The following IL3RA variants were observed in gnomAD, a reference collection of about 807,000 sequenced individuals.
IL3RA encodes interleukin-3 receptor subunit alpha.
In IL3RA, 73 loss-of-function variants were observed where a neutral mutation model predicts 52.3. The ratio of observed to expected loss-of-function variants is 1.40; its 90% CI spans 1.16 to 1.70. IL3RA has a LOEUF of 1.70. Ranked by LOEUF, IL3RA falls within the 40% of genes most tolerant of loss-of-function variation. The pLI is 0.00. For synonymous variants in IL3RA, 260 were observed against 194.0 expected (o/e 1.34, Z -2.83); for missense variants, 664 against 504.4 (o/e 1.32, Z -3.03).
intron 9 of IL3RA, among the ~76,000 whole-genome samples, chrX:1,367,740 G>A (rs1233144591): frequency 2.3e-5 from 3 of 133,086 alleles, no homozygotes; most frequent in Admixed American, 1.5e-4. Context: ...GGTGAGCGGG[G>A]TGCGCGGGGT....
chrX:1,379,118 C>T (rs2088999582), intron 10 of IL3RA, among the ~76,000 whole-genome samples: 7 of 151,980 alleles, frequency 4.6e-5, no homozygotes, highest in Admixed American at 2.0e-4. Flanking sequence ...GCTGGGATTA[C>T]AGGCGTAAGC....
intron 9 of IL3RA, among the ~76,000 whole-genome samples, chrX:1,377,781 A>G (rs1451610563): frequency 6.8e-6 from 1 of 146,314 alleles, no homozygotes; most frequent in Non-Finnish European, 1.5e-5. Context: ...TCCTCTCGGG[A>G]GGCTAAGAGA....
intron 9 of IL3RA, 45 bp from the exon 10 acceptor site, chrX:1,378,614 C>G: frequency 1.3e-6 from 2 of 1,541,058 alleles, no homozygotes; most frequent in East Asian, 2.3e-5. Context: ...CCTGGTCCCC[C>G]CAGGACGGCC....
intron 10 of IL3RA, 76 bp downstream of exon 10, chrX:1,378,840 A>G: frequency 7.7e-7 from 1 of 1,293,134 alleles, no homozygotes; most frequent in Non-Finnish European, 1.1e-6. Context: ...AACCATCCTG[A>G]GAATTATCAT....
At chrX:1,361,062 CCTCT>C (rs748995726) in intron 8 of IL3RA, among the ~76,000 whole-genome samples, 1 of 71,640 alleles carries the variant, frequency 1.4e-5, no homozygotes, top group East Asian at 3.5e-4. Flanking sequence ...TCTCCCTTCC[CCTCT>C]CTGTCTCTCT....
chrX:1,364,663 A>T (rs2087767100), intron 8 of IL3RA, among the ~76,000 whole-genome samples: 1 of 151,302 alleles, frequency 6.6e-6, no homozygotes, highest in African/African-American at 2.4e-5. Flanking sequence ...TTTTTGGTAA[A>T]GATGGGGTCT....
At chrX:1,338,229 C>G (rs1473050806) in intron 1 of IL3RA, among the ~76,000 whole-genome samples, 1 of 148,458 alleles carries the variant, frequency 6.7e-6, no homozygotes, top group Non-Finnish European at 1.5e-5. Flanking sequence ...GAGGTGGAGA[C>G]AGCCCTCATA....
chrX:1,358,198 C>T (rs1289478496), intron 7 of IL3RA, among the ~76,000 whole-genome samples: 8 of 152,084 alleles, frequency 5.3e-5, no homozygotes, highest in African/African-American at 1.9e-4. Context: ...CAGGCAGAGT[C>T]GTAGCTAGTC....
Position 1,352,083 on chromosome X carries a change from C to T in IL3RA, c.299-17C>T. 1 of 1,613,038 alleles carries T rather than the reference C, an allele frequency of 6.2e-7. No homozygotes were observed. Among genetic ancestry groups the T allele is most frequent in the Non-Finnish European group, 8.5e-7 (1 of 1,179,492 alleles). ...CCCGGTCCCGATTCGAGTTCTCTTTCATGTTTGTGAACCCAGGTGGGAAGC... is the reference window on the plus strand; with the variant it reads ...CCCGGTCCCGATTCGAGTTCTCTTTTATGTTTGTGAACCCAGGTGGGAAGC... On this transcript the variant is annotated splice_polypyrimidine_tract_variant and intron_variant, in intron 4 of 11. Transcript: ENST00000331035.
chrX:1,345,197 A>G, intron 2 of IL3RA, 119 bp from the exon 3 acceptor site: 1 of 606,572 alleles, frequency 1.6e-6, no homozygotes. Context: ...AAATAAAAGA[A>G]CTCCACCTCC....
Position 1,348,496 on chromosome X carries a change from C to A in IL3RA, c.249C>A (p.Val83=). ...ISLCEVTNYT[V]RVANPPFSTW... is the part of the protein sequence containing the mutation. Reference sequence around the variant, plus strand: ...TATGTGAAGTGACCAACTACACCGTCCGAGTGGCCAACCCACCATTCTCCA... The same window carrying A: ...TATGTGAAGTGACCAACTACACCGTACGAGTGGCCAACCCACCATTCTCCA... The change falls in exon 4 of 12, where the codon GTC becomes GTA. Residue 83 remains valine (V), a synonymous_variant. Coordinates refer to ENST00000331035, the MANE Select transcript of IL3RA (RefSeq NM_002183.4). 1 of 1,613,926 alleles carries A rather than the reference C, an allele frequency of 6.2e-7. No individual in the cohort carries two copies. The highest frequency in any genetic ancestry group is 8.5e-7 in the Non-Finnish European group (1 of 1,179,866).
intron 2 of IL3RA, among the ~76,000 whole-genome samples, chrX:1,343,634 T>C (rs2085582219): frequency 8.5e-6 from 1 of 118,036 alleles, no homozygotes; most frequent in Non-Finnish European, 1.7e-5. Flanking sequence ...GCCATTGCAC[T>C]CCAACCTGGG....
chrX:1,378,874 GCT>G, intron 10 of IL3RA, 110 bp downstream of exon 10: 1 of 1,042,538 alleles, frequency 9.6e-7, no homozygotes, highest in Non-Finnish European at 1.4e-6. Flanking sequence ...ATGGAGTCTC[GCT>G]CTGTCTCCCA....
chrX:1,337,755 C>T (rs1373521674), intron 1 of IL3RA, among the ~76,000 whole-genome samples: 3 of 141,882 alleles, frequency 2.1e-5, no homozygotes, highest in African/African-American at 7.9e-5. Flanking sequence ...CCCTCATACC[C>T]ATCTATAGAC....
chrX:1,354,641 A>G (rs7060751), intron 6 of IL3RA, among the ~76,000 whole-genome samples: 15,861 of 28,170 alleles, frequency 0.56, 4,502 homozygotes, highest in Middle Eastern at 0.67. Context: ...GAGGAGGGGG[A>G]GGAGGTGGAG....
At chrX:1,356,184 T>C (rs776823642) in intron 6 of IL3RA, 37 bp from the exon 7 acceptor site, 15 of 1,217,220 alleles carry the variant, frequency 1.2e-5, no homozygotes, top group Non-Finnish European at 1.1e-5. Context: ...TGATTTCTTG[T>C]ACTCCTAAAT....
rs1339441198 is a variant in IL3RA at position 1,353,663 on chromosome X, G to GCC, written c.616+1157_616+1158insCC. Among the ~76,000 whole-genome samples the GCC allele has an allele frequency of 9.8e-5, 3 of 30,482 alleles. 1 individual carries two copies. The highest frequency in any genetic ancestry group is 3.4e-4 in the Admixed American group (1 of 2,972). 20.0% of individuals were successfully genotyped at this position (30,482 alleles called of 152,430 possible). A position where few individuals can be genotyped will look rare whatever the true frequency, so the allele number is the denominator to read the frequency against. ...TCATGGGTTCCATCACGGGTCATGG[G>GCC]ACCCCCCCCATCATGGGTTCCATCA... On this transcript the variant is annotated intron_variant, in intron 6 of 11. Transcript: ENST00000331035.
chrX:1,356,957 A>G (rs1227658616), intron 7 of IL3RA, among the ~76,000 whole-genome samples: 1 of 151,918 alleles, frequency 6.6e-6, no homozygotes, highest in Non-Finnish European at 1.5e-5. Context: ...GAACATAAAT[A>G]TTGATTTATT....
chrX:1,368,381 T>C (rs1460405481), intron 9 of IL3RA, among the ~76,000 whole-genome samples: 3 of 151,962 alleles, frequency 2.0e-5, no homozygotes, highest in Non-Finnish European at 2.9e-5. Flanking sequence ...GGTCAGGAGT[T>C]CGAGACCAGC....
Sources: gnomAD v4.1 joint callset for allele counts (sites outside exome capture counted in the v4.1 genomes callset) on GRCh38, gnomAD v4.1.1 for gene constraint, MANE v1.5 for transcripts, NCBI Gene and HGNC (gene_info 2026-07-23, HGNC 2026-07-21) for gene names.